The following CELSR1 variants were observed in gnomAD, a reference collection of about 807,000 sequenced individuals.
CELSR1 encodes the protein cadherin EGF LAG seven-pass G-type receptor 1.
A neutral mutation model predicts 249.1 loss-of-function variants in CELSR1; 110 were observed. The ratio of observed to expected loss-of-function variants is 0.44; its 90% CI spans 0.38 to 0.52. The LOEUF (loss-of-function observed/expected upper bound fraction) is 0.52, where lower values mean the gene tolerates loss of function less well. Ranked by LOEUF, CELSR1 falls within the 20% of genes least tolerant of loss-of-function variation. The pLI, the probability that CELSR1 is intolerant of heterozygous loss-of-function variation, is 0.00. For missense variants in CELSR1, 4,109 were observed against 4,296.4 expected, an observed-to-expected ratio of 0.96 and a Z score of 1.22; for synonymous variants, 2,113 against 1,900.0, an observed-to-expected ratio of 1.11 and a Z score of -2.92.
intron 2 of CELSR1, among the ~76,000 whole-genome samples, chr22:46,462,046 T>C (rs1336566427): frequency 6.6e-6 from 1 of 152,142 alleles, no homozygotes; most frequent in Non-Finnish European, 1.5e-5. Context: ...CCTGGAGTCG[T>C]CCCCACCCCC....
chr22:46,460,615 C>T lies in CELSR1; in HGVS notation c.4183+3092G>A, dbSNP rs117268647. ...GGCTGAGAACCGAGGAACACCAGCC[C>T]GTGTTTGCCTCTCAGGGTTGTTTAG... On this transcript the variant is annotated intron_variant, in intron 2 of 34. Coordinates refer to ENST00000674500, the MANE Select transcript of CELSR1 (RefSeq NM_001378328.1). 6.1e-4 allele frequency among the ~76,000 whole-genome samples: 93 copies of T among 152,288 alleles called. 2 individuals are homozygous for T. In the East Asian group the frequency reaches 0.016, roughly 26 times the overall value.
At chr22:46,532,305 G>A (rs1043187886) in intron 1 of CELSR1, among the ~76,000 whole-genome samples, 8 of 152,144 alleles carry the variant, frequency 5.3e-5, no homozygotes, top group East Asian at 3.9e-4. Flanking sequence ...CGGTTAATTC[G>A]CCCTTAAGGG....
chr22:46,520,627 A>AT (rs1260889180), intron 1 of CELSR1, among the ~76,000 whole-genome samples: 2 of 151,524 alleles, frequency 1.3e-5, no homozygotes, highest in East Asian at 2.0e-4. Context: ...GGCCCAGCTA[A>AT]TTTTTTGCAT....
At chr22:46,457,578 G>A (rs1458908419) in intron 2 of CELSR1, among the ~76,000 whole-genome samples, 1 of 152,206 alleles carries the variant, frequency 6.6e-6, no homozygotes, top group Non-Finnish European at 1.5e-5. Flanking sequence ...CTGCCACTCA[G>A]GAATGCGCCC....
chr22:46,523,559 T>TAAATAAATAAAA (rs1355440974), intron 1 of CELSR1, among the ~76,000 whole-genome samples: 36 of 130,786 alleles, frequency 2.8e-4, no homozygotes, highest in South Asian at 1.0e-3. Context: ...AATAAATAAA[T>TAAATAAATAAAA]AAAATAAAAA....
chr22:46,536,835 G>A lies in CELSR1; in HGVS notation c.336C>T (p.Pro112=), dbSNP rs890933875. Reference sequence around the variant, plus strand: ...AGAGCCGGGCACGGGCTCCGCAGCCGGGAAGGTGCGTGCGCGCCCGCAGGC... The same window carrying A: ...AGAGCCGGGCACGGGCTCCGCAGCCAGGAAGGTGCGTGCGCGCCCGCAGGC... ...SRRLRARTHL[P]GCGARARLCG... The change falls in exon 1 of 35, where the codon CCC becomes CCT. Residue 112 remains proline, a synonymous_variant. Transcript: ENST00000674500. The A allele has an allele frequency of 2.0e-5, 24 of 1,221,500 alleles. No individual in the cohort carries two copies. In the African/African-American group the frequency reaches 3.7e-4, roughly 19 times the overall value. The allele number at this position is 1,221,500 out of a possible 1,614,324, so 75.7% of individuals were successfully genotyped here.
chr22:46,474,648 C>G (rs2080189097), intron 1 of CELSR1, among the ~76,000 whole-genome samples: 1 of 152,094 alleles, frequency 6.6e-6, no homozygotes, highest in Admixed American at 6.6e-5. Context: ...CCATAGTCAT[C>G]CTATTGTACA....
intron 2 of CELSR1, chr22:46,463,041 T>C: frequency 2.9e-6 from 1 of 343,664 alleles, no homozygotes; most frequent in South Asian, 2.2e-5. Flanking sequence ...TGGAATAAAG[T>C]ACTTTCACCT....
At chr22:46,515,965 T>C (rs1356886023) in intron 1 of CELSR1, among the ~76,000 whole-genome samples, 1 of 152,186 alleles carries the variant, frequency 6.6e-6, no homozygotes, top group Non-Finnish European at 1.5e-5. Context: ...CAACAGGTAC[T>C]GGAGAGAATG....
chr22:46,460,198 CACACACACACA>C (rs2080006272), intron 2 of CELSR1, among the ~76,000 whole-genome samples: 2 of 116,354 alleles, frequency 1.7e-5, no homozygotes, highest in African/African-American at 6.7e-5. Flanking sequence ...CACACACACA[CACACACACACA>C]CACACACCCA....
At chr22:46,507,299 G>A (rs1375877638) in intron 1 of CELSR1, among the ~76,000 whole-genome samples, 1 of 152,290 alleles carries the variant, frequency 6.6e-6, no homozygotes, top group East Asian at 1.9e-4. Context: ...CGGCTGGGGG[G>A]CCTCCGTCCA....
chr22:46,442,112 C>A (rs1157125528), intron 2 of CELSR1, among the ~76,000 whole-genome samples: 2 of 152,216 alleles, frequency 1.3e-5, no homozygotes, highest in African/African-American at 4.8e-5. Context: ...GGTGCCATTG[C>A]ACTCCAGCCT....
chr22:46,427,507 G>A lies in CELSR1; in HGVS notation c.4611+5886C>T, dbSNP rs1353162151. ...AGCCAAGACAGCAACAAAGGCGCCT[G>A]GGCGACAGAGCGGGACTCCATCTCA... On this transcript the variant is annotated intron_variant, in intron 5 of 34. Coordinates refer to ENST00000674500, the MANE Select transcript of CELSR1 (RefSeq NM_001378328.1). This position sits in a 1 kb window ranked among gnomAD's most constrained non-coding sequence, Gnocchi z 4.2. Among the ~76,000 whole-genome samples the A allele has an allele frequency of 6.6e-6, 1 of 152,170 alleles. No individual in the cohort carries two copies. Among genetic ancestry groups the A allele is most frequent in the East Asian group, 1.9e-4 (1 of 5,192 alleles).
chr22:46,465,168 C>T (rs749468758), intron 1 of CELSR1, among the ~76,000 whole-genome samples: 9 of 152,166 alleles, frequency 5.9e-5, no homozygotes, highest in Non-Finnish European at 8.8e-5. Flanking sequence ...CTCCCAGGGA[C>T]GGAGCAGCGG....
intron 5 of CELSR1, among the ~76,000 whole-genome samples, chr22:46,414,102 T>C (rs552274156): frequency 6.6e-6 from 1 of 152,224 alleles, no homozygotes; most frequent in Admixed American, 6.5e-5. Context: ...GCCAATGCAA[T>C]CCACGCTTGT....
In CELSR1 at chr22:46,377,024, G is replaced by A. The variant is rs146574177; in HGVS notation, c.7584+37C>T. 7.3e-4 allele frequency: 1,167 copies of A among 1,604,180 alleles called. 15 individuals carry two copies. In the South Asian group the frequency reaches 0.011, roughly 15 times the overall value. On this transcript the variant is annotated intron_variant, in intron 24 of 34. Transcript: ENST00000674500. ...GACTATGGTAGCTGCTCCAAGCTGC[G>A]GCCCAGACAGTGGGGAGGGGAGCAG... is the stretch of plus-strand genomic sequence containing the variant.
In CELSR1 at chr22:46,440,199, TCA is replaced by T. The variant is rs956356053; in HGVS notation, c.4184-790_4184-789del. 6.6e-6 allele frequency among the ~76,000 whole-genome samples: 1 copy of T among 152,112 alleles called. No individual in the cohort carries two copies. The highest frequency in any genetic ancestry group is 1.5e-5 in the Non-Finnish European group (1 of 68,024). ...AAGAACCTCATCTGCTCGGAGGGTC[TCA>T]GTGTTCGCCATGCTTCGACCCAGTT... On this transcript the variant is annotated intron_variant, in intron 2 of 34. Transcript: ENST00000674500. The surrounding 1 kb of genome is among the most constrained non-coding windows in gnomAD (Gnocchi z 4.7).
At chr22:46,400,323 G>A (rs1356136959) in intron 9 of CELSR1, among the ~76,000 whole-genome samples, 1 of 150,648 alleles carries the variant, frequency 6.6e-6, no homozygotes, top group African/African-American at 2.5e-5. Flanking sequence ...AGCGAGACTT[G>A]GTCTCGAGAA....
rs1329071086 is a variant in CELSR1, at chr22:46,413,748, C to A, written c.4612-1989G>T. On this transcript the variant is annotated intron_variant, in intron 5 of 34. Coordinates refer to ENST00000674500, the MANE Select transcript of CELSR1 (RefSeq NM_001378328.1). The surrounding 1 kb of genome is among the most constrained non-coding windows in gnomAD (Gnocchi z 4.7). The stretch of plus-strand genomic sequence containing the variant: ...ACAGGTAGGCGAGTGCATTAAAAAT[C>A]ATCTGTTTTCTCGCTGTGTAACGCG... Among the ~76,000 whole-genome samples the A allele has an allele frequency of 1.3e-5, 2 of 152,190 alleles. No homozygotes were observed. The highest frequency in any genetic ancestry group is 6.5e-5 in the Admixed American group (1 of 15,282).
Sources: allele counts gnomAD v4.1 joint callset (sites outside exome capture counted in the v4.1 genomes callset), GRCh38; gene constraint gnomAD v4.1.1; non-coding constraint Gnocchi (gnomAD v3.1); transcripts MANE v1.5; gene names NCBI Gene and HGNC (gene_info 2026-07-23, HGNC 2026-07-21).